WDFY3: variants seen among roughly 807,000 people sequenced by gnomAD.
WDFY3 encodes the protein WD repeat and FYVE domain-containing protein 3.
A neutral mutation model predicts 409.6 loss-of-function variants in WDFY3; 66 were observed. That is an observed-to-expected ratio of 0.16 (90% confidence interval 0.13 to 0.20). The LOEUF is 0.20. WDFY3 is among the 10% of genes least tolerant of loss of function. The probability of loss-of-function intolerance (pLI) is 1.00; values close to 1 mark genes in which losing one functional copy is unlikely to be tolerated. For missense variants in WDFY3, 3,031 were observed against 4,298.1 expected, an observed-to-expected ratio of 0.71 and a Z score of 8.24; for synonymous variants, 1,521 against 1,537.1, an observed-to-expected ratio of 0.99 and a Z score of 0.25.
At chr4:84,766,136 T>C in intron 31 of WDFY3, 109 bp from the exon 32 acceptor site, 1 of 1,488,620 alleles carries the variant, frequency 6.7e-7, no homozygotes. Flanking sequence ...GGAGATACTA[T>C]AAATTTCAGG....
At chr4:84,896,171 G>T (rs928841648) in intron 3 of WDFY3, among the ~76,000 whole-genome samples, 2 of 151,954 alleles carry the variant, frequency 1.3e-5, no homozygotes, top group Non-Finnish European at 2.9e-5. Flanking sequence ...CAGGAGAATC[G>T]CTTGAACCGG....
intron 12 of WDFY3, 138 bp from the exon 13 acceptor site, chr4:84,817,723 CT>C: frequency 2.4e-6 from 2 of 826,368 alleles, no homozygotes; most frequent in Non-Finnish European, 3.7e-6. Context: ...ACTATTTCAC[CT>C]TTTAAATTAC....
At chr4:84,904,210 T>A (rs532728281) in intron 2 of WDFY3, among the ~76,000 whole-genome samples, 11 of 152,182 alleles carry the variant, frequency 7.2e-5, no homozygotes, top group Non-Finnish European at 4.4e-5. Flanking sequence ...CTGTGAGAAA[T>A]AAATTTCTGT....
At chr4:84,789,953 C>T in intron 21 of WDFY3, 46 bp from the exon 22 acceptor site, 1 of 1,587,966 alleles carries the variant, frequency 6.3e-7, no homozygotes, top group Non-Finnish European at 8.6e-7. Context: ...CAACACCATC[C>T]CTATTCAAAT....
chr4:84,844,153 G>A (rs749423516), intron 5 of WDFY3, among the ~76,000 whole-genome samples: 6 of 152,048 alleles, frequency 3.9e-5, no homozygotes, highest in South Asian at 4.1e-4. Flanking sequence ...GTAAACAAAC[G>A]AATTCAATTA....
intron 29 of WDFY3, among the ~76,000 whole-genome samples, chr4:84,773,490 G>C (rs941409238): frequency 2.6e-5 from 4 of 152,066 alleles, no homozygotes; most frequent in African/African-American, 9.7e-5. Flanking sequence ...AACAGGAGAA[G>C]AAAAAACATC....
chr4:84,718,384 G>T, intron 48 of WDFY3, 38 bp downstream of exon 48: 1 of 1,561,190 alleles, frequency 6.4e-7, no homozygotes, highest in African/African-American at 1.4e-5. Flanking sequence ...GTCTTCTAAA[G>T]ATAGCCATAC....
At chr4:84,956,517 G>A (rs769274641) in intron 1 of WDFY3, among the ~76,000 whole-genome samples, 4 of 152,186 alleles carry the variant, frequency 2.6e-5, no homozygotes, top group Non-Finnish European at 2.9e-5. Context: ...TTTATAGGTA[G>A]TAGTAATGAA....
chr4:84,704,316 A>C (rs780106104), intron 55 of WDFY3, 22 bp downstream of exon 55: 2 of 1,542,866 alleles, frequency 1.3e-6, no homozygotes, highest in Non-Finnish European at 1.8e-6. Flanking sequence ...AAAATAGAAA[A>C]ACCCCAAATT....
Position 84,778,748 on chromosome 4 carries a change from C to A in WDFY3, c.4366-93G>T, listed in dbSNP as rs1745993220. On this transcript the variant is annotated intron_variant, in intron 26 of 67. Transcript: ENST00000295888. The stretch of plus-strand genomic sequence containing the variant: ...ACACACATACACACACAAACACACA[C>A]ATACACACACAAACACACACATACA... 5 of 1,255,080 alleles carry A rather than the reference C, an allele frequency of 4.0e-6. No homozygotes were observed. The Admixed American group carries it at 1.0e-4, about 26-fold the overall frequency. The allele number at this position is 1,255,080 out of a possible 1,614,324, so 77.7% of individuals were successfully genotyped here.
rs1750949699 is a variant in WDFY3, at chr4:84,803,276, A to G, written c.2607+14T>C. ...TCATTACAGACGGGAAGGAACTAAC[A>G]TATTCAAGCTTACTTCTGGCTGTGT... On this transcript the variant is annotated intron_variant, in intron 16 of 67. Transcript: ENST00000295888. 1.3e-6 allele frequency: 2 copies of G among 1,594,074 alleles called. No individual in the cohort carries two copies. The highest frequency in any genetic ancestry group is 1.8e-5 in the Admixed American group (1 of 55,738).
At chr4:84,830,247 C>G (rs1755504658) in intron 8 of WDFY3, among the ~76,000 whole-genome samples, 1 of 152,142 alleles carries the variant, frequency 6.6e-6, no homozygotes, top group Non-Finnish European at 1.5e-5. Flanking sequence ...GATGTTTCTA[C>G]TTTATGATGG....
Position 84,922,378 on chromosome 4 carries a change from C to T in WDFY3, c.-132+9892G>A, listed in dbSNP as rs1348100720. On this transcript the variant is annotated intron_variant, in intron 2 of 67. Coordinates refer to ENST00000295888, the MANE Select transcript of WDFY3 (RefSeq NM_014991.6). ...CAGAGGCAATAAACATGTCACACTA[C>T]GGCCTCCTCTCCCCACAAAAAGTTG... 2.6e-5 allele frequency among the ~76,000 whole-genome samples: 4 copies of T among 152,254 alleles called. No individual in the cohort carries two copies. The South Asian group carries it at 6.2e-4, about 24-fold the overall frequency.
Position 84,757,050 on chromosome 4 carries a change from G to T in WDFY3, c.5300C>A (p.Thr1767Asn), listed in dbSNP as rs745881418. 5 of 1,614,104 alleles carry T rather than the reference G, an allele frequency of 3.1e-6. No individual in the cohort carries two copies. Among genetic ancestry groups the T allele is most frequent in the Non-Finnish European group, 4.2e-6 (5 of 1,179,978 alleles). The change falls in exon 33 of 68, where the codon ACT becomes AAT. Residue 1767 changes from threonine (T) to asparagine (N), a missense_variant. By Grantham distance (65) the Thr-to-Asn change is moderately conservative. Transcript: ENST00000295888. ...GAGAAAATAGAGGGCAGGGACATTAGTGTGTTTAGGAAGGAATGACTGAAG... is the reference window on the plus strand; with the variant it reads ...GAGAAAATAGAGGGCAGGGACATTATTGTGTTTAGGAAGGAATGACTGAAG... ...PVLQSFLPKH[T>N]NVPALYFLLM...
intron 12 of WDFY3, among the ~76,000 whole-genome samples, chr4:84,819,034 T>C (rs1560839232): frequency 6.6e-6 from 1 of 152,146 alleles, no homozygotes; most frequent in Non-Finnish European, 1.5e-5. Flanking sequence ...CATTATGCCA[T>C]AGACAAAATG....
intron 2 of WDFY3, among the ~76,000 whole-genome samples, chr4:84,911,358 A>G (rs1481745863): frequency 1.3e-5 from 2 of 152,160 alleles, no homozygotes; most frequent in African/African-American, 4.8e-5. Flanking sequence ...CATGTGGCAT[A>G]CGACTGTAGT....
intron 44 of WDFY3, among the ~76,000 whole-genome samples, chr4:84,728,866 T>C (rs1010080474): frequency 6.6e-6 from 1 of 152,222 alleles, no homozygotes; most frequent in African/African-American, 2.4e-5. Context: ...ACTATAATTC[T>C]TTACCTAGAA....
chr4:84,741,887 T>C lies in WDFY3; in HGVS notation c.6108A>G (p.Gly2036=), dbSNP rs1738498790. Reference sequence around the variant, plus strand: ...CATTGTTCACCAATACCTGGTAGCTTCCTCCACTGGTAATAGGCAGAGATG... The same window carrying C: ...CATTGTTCACCAATACCTGGTAGCTCCCTCCACTGGTAATAGGCAGAGATG... ...EDASLPITSG[G]SYQVLVNNVF... Residue 2036 remains glycine, a synonymous_variant, in exon 38 of 68, where the codon GGA becomes GGG. Transcript: ENST00000295888. The C allele has an allele frequency of 2.5e-6, 4 of 1,608,086 alleles. No individual in the cohort carries two copies. The highest frequency in any genetic ancestry group is 3.4e-6 in the Non-Finnish European group (4 of 1,175,854).
rs370945750 is a variant in WDFY3, at chr4:84,718,409, T to C, written c.7754+13A>G. 1.7e-5 allele frequency: 28 copies of C among 1,609,650 alleles called. No homozygotes were observed. In the African/African-American group the frequency reaches 3.2e-4, roughly 19 times the overall value. On this transcript the variant is annotated intron_variant, in intron 48 of 67. Transcript: ENST00000295888. ...GATAGCCATACATTATGTCTCTTCA[T>C]TCATTTACTTACTTTGGAGGTAAGG...
Sources: allele counts gnomAD v4.1 joint callset (sites outside exome capture counted in the v4.1 genomes callset), GRCh38; gene constraint gnomAD v4.1.1; transcripts MANE v1.5; gene names NCBI Gene and HGNC (gene_info 2026-07-23, HGNC 2026-07-21).